Variants in ADAM22 observed in about 807,000 individuals in gnomAD.
ADAM22 encodes the protein ADAM metallopeptidase domain 22.
Under a neutral mutation model 144.6 loss-of-function variants are expected in ADAM22, and 65 were observed. That is an observed-to-expected ratio of 0.45 (90% confidence interval 0.37 to 0.55). ADAM22 has a LOEUF of 0.55. Ranked by LOEUF, ADAM22 falls within the 20% of genes least tolerant of loss-of-function variation. ADAM22 has a pLI of 0.00. For synonymous variants in ADAM22, 391 were observed against 412.6 expected (o/e 0.95, Z 0.63); for missense variants, 974 against 1,184.9 (o/e 0.82, Z 2.61).
intron 2 of ADAM22, among the ~76,000 whole-genome samples, chr7:87,938,207 ATTTTTTTTTTTTT>A (rs59698275): frequency 1.3e-5 from 1 of 75,554 alleles, no homozygotes; most frequent in African/African-American, 5.8e-5. Flanking sequence ...ATACCCATAG[ATTTTTTTTTTTTT>A]TTTTTTTTTT....
At chr7:87,981,879 A>G (rs1035254976) in intron 3 of ADAM22, among the ~76,000 whole-genome samples, 5 of 28,562 alleles carry the variant, frequency 1.8e-4, no homozygotes, top group African/African-American at 1.4e-3. Flanking sequence ...GATAATAATG[A>G]TAACAATAGA....
In ADAM22 at chr7:88,074,357, A is replaced by T. The variant is rs1415170368; in HGVS notation, c.324-1269A>T. Among the ~76,000 whole-genome samples, 4 of 152,162 alleles carry T rather than the reference A, an allele frequency of 2.6e-5. No homozygotes were observed. In the East Asian group the frequency reaches 7.7e-4, roughly 29 times the overall value. On this transcript the variant is annotated intron_variant, in intron 3 of 31. Coordinates refer to ENST00000413139, the MANE Select transcript of ADAM22 (RefSeq NM_001324418.2). ...ATATACAATCTTCTTTTTATACTTT[A>T]TACATCTGTGAATTCTGTTCATGTC...
At position 87,934,498 on chromosome 7, in the gene ADAM22, C is replaced by G; in HGVS notation, c.33C>G (p.Phe11Leu). 1 of 1,608,460 alleles carries G rather than the reference C, an allele frequency of 6.2e-7. No homozygotes were observed. The highest frequency in any genetic ancestry group is 1.3e-5 in the African/African-American group (1 of 74,966). Residue 11 changes from phenylalanine (F) to leucine (L), a missense_variant, in exon 1 of 32, where the codon TTC becomes TTG. Phe to Leu is a conservative substitution (Grantham distance 22). Transcript: ENST00000413139. Reference protein sequence around the residue: MQAAVAVSVPFLLLCVLGTCP... With the variant: MQAAVAVSVPLLLLCVLGTCP... ...CGGCAGTGGCTGTGTCCGTGCCCTT[C>G]TTGCTGCTCTGTGTCCTGGGGACCT...
chr7:88,161,816 G>A (rs897153561), intron 22 of ADAM22, among the ~76,000 whole-genome samples: 3 of 151,936 alleles, frequency 2.0e-5, no homozygotes, highest in Admixed American at 2.0e-4. Context: ...ATAACATGCT[G>A]GCAAGGTCGC....
intron 3 of ADAM22, among the ~76,000 whole-genome samples, chr7:87,980,531 A>G (rs1853118228): frequency 6.6e-6 from 1 of 152,040 alleles, no homozygotes; most frequent in African/African-American, 2.4e-5. Context: ...ACATATAGAA[A>G]ATTTTTTTAA....
intron 26 of ADAM22, among the ~76,000 whole-genome samples, chr7:88,173,770 T>C (rs1844939644): frequency 6.6e-6 from 1 of 152,110 alleles, no homozygotes; most frequent in Non-Finnish European, 1.5e-5. Flanking sequence ...GTATGTGGTA[T>C]TGGAAAATCA....
intron 3 of ADAM22, among the ~76,000 whole-genome samples, chr7:88,043,441 C>T (rs1481590501): frequency 1.3e-5 from 2 of 149,844 alleles, no homozygotes; most frequent in Admixed American, 6.7e-5. Context: ...GCCTAGATCG[C>T]GCCACTGCAC....
At chr7:88,162,887 A>T in intron 22 of ADAM22, 125 bp from the exon 23 acceptor site, 1 of 903,954 alleles carries the variant, frequency 1.1e-6, no homozygotes, top group African/African-American at 1.7e-5. Context: ...GGCTTATGCT[A>T]CTGGTCTTTA....
intron 21 of ADAM22, among the ~76,000 whole-genome samples, 159 bp downstream of exon 21, chr7:88,153,485 G>A (rs775718642): frequency 5.3e-5 from 8 of 152,130 alleles, no homozygotes; most frequent in Non-Finnish European, 8.8e-5. Flanking sequence ...TGTGCAGAGG[G>A]CTTCCAAATC....
At chr7:88,050,475 A>T (rs1278751186) in intron 3 of ADAM22, among the ~76,000 whole-genome samples, 1 of 129,966 alleles carries the variant, frequency 7.7e-6, no homozygotes, top group Non-Finnish European at 1.6e-5. Context: ...TAGTGATTTC[A>T]GGATAACTCA....
intron 3 of ADAM22, among the ~76,000 whole-genome samples, chr7:87,999,414 TCA>T (rs1491461371): frequency 6.5e-5 from 7 of 108,010 alleles, no homozygotes; most frequent in African/African-American, 1.4e-4. Flanking sequence ...GAATCAAGAA[TCA>T]GGGAGACTCA....
chr7:88,074,620 T>C (rs1415257837), intron 3 of ADAM22, among the ~76,000 whole-genome samples: 1 of 152,246 alleles, frequency 6.6e-6, no homozygotes, highest in African/African-American at 2.4e-5. Context: ...ATAAAGTCAG[T>C]AAGAACATCT....
At position 88,019,499 on chromosome 7, in the gene ADAM22, C is replaced by T. The variant is rs10226525; in HGVS notation, c.323+41087C>T. Among the ~76,000 whole-genome samples the T allele has an allele frequency of 8.5e-3, 1,284 of 151,664 alleles. 19 individuals are homozygous for T. Among genetic ancestry groups the T allele is most frequent in the African/African-American group, 0.03 (1,231 of 41,362 alleles). On this transcript the variant is annotated intron_variant, in intron 3 of 31. Transcript: ENST00000413139. Reference sequence around the variant, plus strand: ...CTAAACAAAGAAAGAAATAAATACACAAAGTTTAGCATACTGACTTTGAAA... The same window carrying T: ...CTAAACAAAGAAAGAAATAAATACATAAAGTTTAGCATACTGACTTTGAAA...
chr7:88,009,299 G>A (rs909171264), intron 3 of ADAM22, among the ~76,000 whole-genome samples: 3 of 152,082 alleles, frequency 2.0e-5, no homozygotes, highest in East Asian at 3.8e-4. Flanking sequence ...AAATTTTCTG[G>A]TATGCTCGTA....
At chr7:88,057,352 C>T (rs1192511417) in intron 3 of ADAM22, among the ~76,000 whole-genome samples, 1 of 152,136 alleles carries the variant, frequency 6.6e-6, no homozygotes, top group African/African-American at 2.4e-5. Flanking sequence ...CATCTTTTCA[C>T]TAGTTTAAGT....
chr7:88,149,159 T>C, intron 18 of ADAM22, 102 bp downstream of exon 18: 1 of 766,582 alleles, frequency 1.3e-6, no homozygotes, highest in Non-Finnish European at 2.2e-6. Context: ...GATGCTCGTG[T>C]CTCTTTCACA....
intron 3 of ADAM22, among the ~76,000 whole-genome samples, chr7:88,072,075 A>G (rs1340257556): frequency 6.6e-6 from 1 of 152,224 alleles, no homozygotes; most frequent in African/African-American, 2.4e-5. Context: ...GAAAAGTGAA[A>G]GTTTAAATTT....
At chr7:88,175,642 T>A (rs1845468098) in intron 26 of ADAM22, among the ~76,000 whole-genome samples, 1 of 152,216 alleles carries the variant, frequency 6.6e-6, no homozygotes, top group Non-Finnish European at 1.5e-5. Context: ...AATTTTCCCA[T>A]TATAAAATTT....
chr7:88,160,661 C>G (rs1050834475), intron 22 of ADAM22, among the ~76,000 whole-genome samples: 2 of 152,140 alleles, frequency 1.3e-5, no homozygotes, highest in Admixed American at 1.3e-4. Flanking sequence ...AAGACACATG[C>G]CCACGTATGT....
Sources: gnomAD v4.1 joint callset for allele counts (sites outside exome capture counted in the v4.1 genomes callset) on GRCh38, gnomAD v4.1.1 for gene constraint, MANE v1.5 for transcripts, NCBI Gene and HGNC (gene_info 2026-07-23, HGNC 2026-07-21) for gene names.